The following CFAP299 variants were observed in gnomAD, a reference collection of about 807,000 sequenced individuals.
The protein encoded by CFAP299 is cilia- and flagella-associated protein 299.
CFAP299 carries 21 observed loss-of-function variants against 27.0 expected under a neutral mutation model. The ratio of observed to expected loss-of-function variants is 0.78; its 90% CI spans 0.55 to 1.12. CFAP299 has a LOEUF of 1.12. Ranked by LOEUF, CFAP299 falls within the 50% of genes most tolerant of loss-of-function variation. The pLI is 0.00. For synonymous variants in CFAP299, 104 were observed against 98.1 expected (o/e 1.06, Z -0.36); for missense variants, 310 against 276.6 (o/e 1.12, Z -0.86).
intron 3 of CFAP299, among the ~76,000 whole-genome samples, chr4:80,688,033 G>C (rs1346225514): frequency 6.6e-6 from 1 of 152,214 alleles, no homozygotes; most frequent in Non-Finnish European, 1.5e-5. Context: ...TGGCTCGGAG[G>C]GTCCTACACC....
intron 3 of CFAP299, among the ~76,000 whole-genome samples, chr4:80,629,090 G>A (rs1044019831): frequency 5.3e-5 from 8 of 151,946 alleles, no homozygotes; most frequent in African/African-American, 1.7e-4. Context: ...CTGAATGAGT[G>A]GATTAAAAAA....
intron 3 of CFAP299, among the ~76,000 whole-genome samples, chr4:80,730,280 ATG>A (rs1553953974): frequency 6.8e-4 from 52 of 76,550 alleles, no homozygotes; most frequent in East Asian, 2.6e-3. Flanking sequence ...GTGTGTGTGT[ATG>A]TGTGTGTGTG....
intron 2 of CFAP299, among the ~76,000 whole-genome samples, chr4:80,384,694 C>T (rs377057799): frequency 1.3e-5 from 2 of 152,052 alleles, no homozygotes; most frequent in Admixed American, 6.5e-5. Flanking sequence ...AAAATTAGTA[C>T]ATGAACCAAG....
chr4:80,945,856 TAAA>T (rs1398170646), intron 5 of CFAP299, among the ~76,000 whole-genome samples: 2 of 151,932 alleles, frequency 1.3e-5, no homozygotes, highest in Non-Finnish European at 2.9e-5. Flanking sequence ...TCCTTGCACA[TAAA>T]AAATGCTAAA....
chr4:80,663,458 C>T (rs1289475990), intron 3 of CFAP299, among the ~76,000 whole-genome samples: 1 of 152,168 alleles, frequency 6.6e-6, no homozygotes, highest in Non-Finnish European at 1.5e-5. Context: ...CTGCAAAGGA[C>T]ATGAACTCAT....
chr4:80,390,493 A>ATATATATGTATATATACACATATATATG (rs1725268537), intron 2 of CFAP299, among the ~76,000 whole-genome samples: 2 of 129,632 alleles, frequency 1.5e-5, no homozygotes, highest in African/African-American at 6.1e-5. Flanking sequence ...CTCTCTCTCT[A>ATATATATGTATATATACACATATATATG]TATATATGTA....
At chr4:80,532,505 TCTG>T (rs1172288559) in intron 2 of CFAP299, among the ~76,000 whole-genome samples, 8 of 152,224 alleles carry the variant, frequency 5.3e-5, no homozygotes, top group Non-Finnish European at 1.0e-4. Flanking sequence ...AGGATTGCCT[TCTG>T]CTATTTTTTA....
At chr4:80,577,575 G>C (rs984947859) in intron 2 of CFAP299, among the ~76,000 whole-genome samples, 2 of 151,804 alleles carry the variant, frequency 1.3e-5, no homozygotes, top group African/African-American at 4.8e-5. Flanking sequence ...GCTAATTTTT[G>C]TATTTTTAGT....
intron 3 of CFAP299, among the ~76,000 whole-genome samples, chr4:80,846,238 A>G (rs1379018403): frequency 2.0e-5 from 3 of 152,172 alleles, no homozygotes; most frequent in Non-Finnish European, 4.4e-5. Context: ...GGTCCACAAA[A>G]TCCTCCAATG....
intron 3 of CFAP299, among the ~76,000 whole-genome samples, chr4:80,623,334 C>G (rs1280358002): frequency 6.6e-6 from 1 of 151,878 alleles, no homozygotes; most frequent in East Asian, 1.9e-4. Flanking sequence ...AGGGAATAGT[C>G]TAATATTAAT....
At chr4:80,716,904 C>A (rs1001185781) in intron 3 of CFAP299, among the ~76,000 whole-genome samples, 1 of 152,010 alleles carries the variant, frequency 6.6e-6, no homozygotes, top group African/African-American at 2.4e-5. Flanking sequence ...CTACTGAAAA[C>A]CTTTGAAGGA....
chr4:80,690,387 A>T (rs977431070), intron 3 of CFAP299, among the ~76,000 whole-genome samples: 1 of 152,200 alleles, frequency 6.6e-6, no homozygotes, highest in Non-Finnish European at 1.5e-5. Flanking sequence ...GGATTAAGAA[A>T]CTCACTCAAA....
intron 4 of CFAP299, among the ~76,000 whole-genome samples, chr4:80,901,570 A>G (rs557766071): frequency 2.0e-5 from 3 of 152,308 alleles, no homozygotes; most frequent in South Asian, 4.1e-4. Flanking sequence ...CCACAGGTGT[A>G]TAAGAGCCTG....
chr4:80,502,029 TTGTAA>T (rs1186733243), intron 2 of CFAP299, among the ~76,000 whole-genome samples: 5 of 152,076 alleles, frequency 3.3e-5, no homozygotes, highest in Non-Finnish European at 7.4e-5. Flanking sequence ...TTATAAAATG[TTGTAA>T]TGTAATTCCC....
At chr4:80,490,743 C>A (rs1731076890) in intron 2 of CFAP299, among the ~76,000 whole-genome samples, 1 of 151,848 alleles carries the variant, frequency 6.6e-6, no homozygotes, top group African/African-American at 2.4e-5. Context: ...TTTTAAAAAT[C>A]CCACAGTTTG....
rs559795958 is a variant in CFAP299 at position 80,631,903 on chromosome 4, T to C, written c.333+48720T>C. On this transcript the variant is annotated intron_variant, in intron 3 of 5. Coordinates refer to ENST00000358105, the MANE Select transcript of CFAP299 (RefSeq NM_152770.3). ...AAATTCATATGTTAACATTCTGACA[T>C]CCAATGTGCTGGTATTAGGCAGTGA... is the stretch of plus-strand genomic sequence containing the variant. 4.1e-5 allele frequency among the ~76,000 whole-genome samples: 5 copies of C among 120,508 alleles called. No individual in the cohort carries two copies. The East Asian group carries it at 1.5e-3, about 37-fold the overall frequency. The allele number at this position is 120,508 out of a possible 152,430, so 79.1% of individuals were successfully genotyped here.
chr4:80,336,840 A>C (rs1054448237), intron 1 of CFAP299, among the ~76,000 whole-genome samples: 2 of 152,212 alleles, frequency 1.3e-5, no homozygotes, highest in African/African-American at 4.8e-5. Context: ...GTGAAAAGCC[A>C]CATCAGTCTG....
intron 2 of CFAP299, among the ~76,000 whole-genome samples, chr4:80,373,452 G>A (rs1365088385): frequency 6.6e-6 from 1 of 152,104 alleles, no homozygotes; most frequent in East Asian, 1.9e-4. Context: ...CACATATTTA[G>A]TCAACAAGTT....
chr4:80,632,466 A>G (rs888801024), intron 3 of CFAP299, among the ~76,000 whole-genome samples: 2 of 152,168 alleles, frequency 1.3e-5, no homozygotes, highest in Non-Finnish European at 2.9e-5. Context: ...CATCTATTAT[A>G]TGCCAGGCAA....
Sources: gnomAD v4.1 joint callset for allele counts (sites outside exome capture counted in the v4.1 genomes callset) on GRCh38, gnomAD v4.1.1 for gene constraint, MANE v1.5 for transcripts, NCBI Gene and HGNC (gene_info 2026-07-23, HGNC 2026-07-21) for gene names.